CTTNBP2: variants seen among roughly 807,000 people sequenced by gnomAD.
The protein encoded by CTTNBP2 is cortactin binding protein 2.
In CTTNBP2, 108 loss-of-function variants were observed where a neutral mutation model predicts 156.9. The observed-to-expected ratio is 0.69, with a 90% CI of 0.59 to 0.81. The LOEUF is 0.81. CTTNBP2 is among the 30% of genes least tolerant of loss of function. The probability of loss-of-function intolerance (pLI) is 0.00; values close to 1 mark genes in which losing one functional copy is unlikely to be tolerated. For synonymous variants in CTTNBP2, 767 were observed against 751.8 expected (o/e 1.02, Z -0.33); for missense variants, 1,924 against 2,035.4 (o/e 0.95, Z 1.05).
At chr7:117,721,264 A>AT (rs1340274744) in intron 19 of CTTNBP2, 134 bp from the exon 20 acceptor site, 2 of 644,044 alleles carry the variant, frequency 3.1e-6, no homozygotes, top group Non-Finnish European at 5.4e-6. Flanking sequence ...ATTTGAGGAG[A>AT]TTTTCCCCAG....
At chr7:117,867,772 A>G (rs1804300518) in intron 1 of CTTNBP2, among the ~76,000 whole-genome samples, 1 of 152,198 alleles carries the variant, frequency 6.6e-6, no homozygotes, top group Non-Finnish European at 1.5e-5. Flanking sequence ...AAAACAACAT[A>G]TAGTACGAGA....
chr7:117,719,528 G>C lies in CTTNBP2; in HGVS notation c.4620C>G (p.Ser1540Arg). The part of the protein sequence containing the change: ...LVKELQSMCS[S>R]KSESDISKIA... ...CCTTGCTGATATCAGACTCAGACTT[G>C]CTGGAGCACATGCTCTGAAGTTCCT... is the stretch of plus-strand genomic sequence containing the variant. Residue 1540 changes from serine (S) to arginine (R), a missense_variant, in exon 21 of 23, where the codon AGC becomes AGG. Ser to Arg is a moderately radical substitution (Grantham distance 110). Transcript: ENST00000160373. The C allele has an allele frequency of 6.2e-7, 1 of 1,613,900 alleles. No individual in the cohort carries two copies. The highest frequency in any genetic ancestry group is 8.5e-7 in the Non-Finnish European group (1 of 1,179,886).
chr7:117,835,875 C>G (rs1024161108), intron 2 of CTTNBP2, among the ~76,000 whole-genome samples: 2 of 152,124 alleles, frequency 1.3e-5, no homozygotes, highest in African/African-American at 4.8e-5. Flanking sequence ...TTGCTAACCA[C>G]TCTAAGCCTC....
chr7:117,715,302 CCCTCTAAAGATAT>C (rs1794282334), intron 22 of CTTNBP2, among the ~76,000 whole-genome samples: 1 of 151,958 alleles, frequency 6.6e-6, no homozygotes. Context: ...GCATCTCAAT[CCCTCTAAAGATAT>C]ATTTGGAAAG....
Position 117,791,111 on chromosome 7 carries a change from C to T in CTTNBP2, c.2068+17G>A, listed in dbSNP as rs1798973470. 1.3e-6 allele frequency: 2 copies of T among 1,594,318 alleles called. No individual in the cohort carries two copies. Among genetic ancestry groups the T allele is most frequent in the Middle Eastern group, 1.7e-4 (1 of 5,960 alleles). On this transcript the variant is annotated intron_variant, in intron 4 of 22. Transcript: ENST00000160373. ...GCCATATTCTTTAAAAAGCGTATAACATTTCAATCCCTTTACCTGATGCTG... is the reference window on the plus strand; with the variant it reads ...GCCATATTCTTTAAAAAGCGTATAATATTTCAATCCCTTTACCTGATGCTG...
intron 14 of CTTNBP2, among the ~76,000 whole-genome samples, chr7:117,736,932 T>C (rs1298573670): frequency 2.0e-5 from 3 of 152,220 alleles, no homozygotes; most frequent in Non-Finnish European, 4.4e-5. Flanking sequence ...ATATTCATGA[T>C]AGTATATTCT....
rs138498790 is a variant in CTTNBP2, at chr7:117,791,105, G to A, written c.2068+23C>T. On this transcript the variant is annotated intron_variant, in intron 4 of 22. Coordinates refer to ENST00000160373, the MANE Select transcript of CTTNBP2 (RefSeq NM_033427.3). Reference sequence around the variant, plus strand: ...AGAGAGGCCATATTCTTTAAAAAGCGTATAACATTTCAATCCCTTTACCTG... The same window carrying A: ...AGAGAGGCCATATTCTTTAAAAAGCATATAACATTTCAATCCCTTTACCTG... 2.1e-4 allele frequency: 329 copies of A among 1,580,388 alleles called. No individual in the cohort carries two copies. In the African/African-American group the frequency reaches 3.1e-3, roughly 15 times the overall value.
At chr7:117,777,985 T>A (rs1271110001) in intron 7 of CTTNBP2, among the ~76,000 whole-genome samples, 1 of 152,158 alleles carries the variant, frequency 6.6e-6, no homozygotes, top group African/African-American at 2.4e-5. Flanking sequence ...TTTGCTATTT[T>A]GTAATCATTT....
intron 4 of CTTNBP2, among the ~76,000 whole-genome samples, chr7:117,788,978 C>T (rs1476296487): frequency 7.0e-6 from 1 of 142,888 alleles, no homozygotes; most frequent in Non-Finnish European, 1.5e-5. Context: ...TCTTCAGTCG[C>T]TGGTATTTTT....
chr7:117,869,854 A>G (rs1804458387), intron 1 of CTTNBP2, among the ~76,000 whole-genome samples: 1 of 152,232 alleles, frequency 6.6e-6, no homozygotes, highest in Non-Finnish European at 1.5e-5. Context: ...ATCTTTGGAA[A>G]AATATTCCAG....
At position 117,728,238 on chromosome 7, in the gene CTTNBP2, A is replaced by T. The variant is rs1278048613; in HGVS notation, c.3906T>A (p.Asp1302Glu). ...KFKGQAPSPC[D>E]PVCKIVDWAL... ...CCCAGTCGACAATCTTGCACACAGGATCGCAGGGGGAGGGCGCCTGACCTT... is the reference window on the plus strand; with the variant it reads ...CCCAGTCGACAATCTTGCACACAGGTTCGCAGGGGGAGGGCGCCTGACCTT... The change falls in exon 17 of 23, where the codon GAT becomes GAA. Residue 1302 changes from aspartate to glutamate, a missense_variant. Coordinates refer to ENST00000160373, the MANE Select transcript of CTTNBP2 (RefSeq NM_033427.3). 4 of 1,613,862 alleles carry T rather than the reference A, an allele frequency of 2.5e-6. No individual in the cohort carries two copies. In the East Asian group the frequency reaches 8.9e-5, roughly 36 times the overall value.
intron 2 of CTTNBP2, among the ~76,000 whole-genome samples, chr7:117,835,577 C>T (rs892831592): frequency 4.6e-5 from 7 of 152,178 alleles, no homozygotes; most frequent in African/African-American, 1.2e-4. Flanking sequence ...TAAATGTTAT[C>T]GACCATGTGG....
intron 2 of CTTNBP2, among the ~76,000 whole-genome samples, chr7:117,840,398 C>T (rs1259180638): frequency 6.6e-6 from 1 of 151,912 alleles, no homozygotes; most frequent in Non-Finnish European, 1.5e-5. Context: ...TGCAGTGGGG[C>T]GTACCTGGTC....
Position 117,751,075 on chromosome 7 carries a change from A to G in CTTNBP2, c.3349-4976T>C, listed in dbSNP as rs149115528. 1.4e-3 allele frequency among the ~76,000 whole-genome samples: 206 copies of G among 152,322 alleles called. 1 individual carries two copies. Among genetic ancestry groups the G allele is most frequent in the Non-Finnish European group, 2.3e-3 (158 of 68,026 alleles). On this transcript the variant is annotated intron_variant, in intron 12 of 22. Coordinates refer to ENST00000160373, the MANE Select transcript of CTTNBP2 (RefSeq NM_033427.3). ...TATTCAGGAAGCTCATCACATGTCA[A>G]TTAGTGCTTTGTGAGCCAAACAGAT...
Position 117,721,148 on chromosome 7 carries a change from C to T in CTTNBP2, c.4448-18G>A, listed in dbSNP as rs377454624. On this transcript the variant is annotated intron_variant, in intron 19 of 22. Coordinates refer to ENST00000160373, the MANE Select transcript of CTTNBP2 (RefSeq NM_033427.3). Reference sequence around the variant, plus strand: ...TTTCATACCTGTTAAAAAAGAGAACCATTTTCAATAGATCATTATCCCTGT... The same window carrying T: ...TTTCATACCTGTTAAAAAAGAGAACTATTTTCAATAGATCATTATCCCTGT... The T allele has an allele frequency of 1.5e-5, 21 of 1,420,412 alleles. No individual in the cohort carries two copies. The highest frequency in any genetic ancestry group is 2.1e-5 in the Non-Finnish European group (21 of 1,003,950). The allele number at this position is 1,420,412 out of a possible 1,614,324, so 88.0% of individuals were successfully genotyped here.
intron 3 of CTTNBP2, among the ~76,000 whole-genome samples, chr7:117,806,625 T>C (rs530404184): frequency 6.0e-4 from 92 of 152,258 alleles, no homozygotes; most frequent in African/African-American, 2.1e-3. Flanking sequence ...TAACATTCAG[T>C]GATCTGGGCT....
At chr7:117,827,010 C>T (rs907846200) in intron 2 of CTTNBP2, among the ~76,000 whole-genome samples, 2 of 152,042 alleles carry the variant, frequency 1.3e-5, no homozygotes, top group African/African-American at 4.8e-5. Context: ...AGGAGCATGC[C>T]ACTGCACCCA....
intron 9 of CTTNBP2, among the ~76,000 whole-genome samples, chr7:117,762,192 T>C (rs1584959571): frequency 6.6e-6 from 1 of 152,330 alleles, no homozygotes; most frequent in Non-Finnish European, 1.5e-5. Context: ...CCCATGACTT[T>C]AAATATCACT....
chr7:117,778,843 A>G (rs1321659452), intron 7 of CTTNBP2, among the ~76,000 whole-genome samples: 1 of 151,966 alleles, frequency 6.6e-6, no homozygotes, highest in African/African-American at 2.4e-5. Flanking sequence ...TCTACCTTTA[A>G]TTTCCCCTTG....
Sources: gnomAD v4.1 joint callset for allele counts (sites outside exome capture counted in the v4.1 genomes callset) on GRCh38, gnomAD v4.1.1 for gene constraint, MANE v1.5 for transcripts, NCBI Gene and HGNC (gene_info 2026-07-23, HGNC 2026-07-21) for gene names.